Variants in CLPB observed in about 807,000 individuals in gnomAD.
CLPB encodes ClpB family mitochondrial disaggregase, also known as mitochondrial disaggregase.
In CLPB, 40 loss-of-function variants were observed where a neutral mutation model predicts 78.4. That is an observed-to-expected ratio of 0.51 (90% CI 0.40 to 0.66). The LOEUF is 0.66. CLPB is among the 30% of genes least tolerant of loss of function. CLPB has a pLI of 0.00. For synonymous variants in CLPB, 333 were observed against 348.0 expected, an observed-to-expected ratio of 0.96 and a Z score of 0.48; for missense variants, 780 against 886.9, an observed-to-expected ratio of 0.88 and a Z score of 1.53.
At chr11:72,303,946 A>G (rs1047614703) in intron 9 of CLPB, 3 of 152,230 alleles carry the variant, frequency 2.0e-5, no homozygotes, top group Admixed American at 6.5e-5. Context: ...CCATCATGCT[A>G]CACTGCCTCA....
intron 4 of CLPB, among the ~76,000 whole-genome samples, chr11:72,367,071 T>C (rs1950957710): frequency 6.6e-6 from 1 of 152,202 alleles, no homozygotes; most frequent in Non-Finnish European, 1.5e-5. Flanking sequence ...AATGAAATCA[T>C]GTCCTTTGCA....
At chr11:72,432,621 C>T (rs1052199351) in intron 1 of CLPB, among the ~76,000 whole-genome samples, 3 of 152,164 alleles carry the variant, frequency 2.0e-5, no homozygotes, top group African/African-American at 7.2e-5. Context: ...ACAGTGGGTA[C>T]CCCCAAAAAT....
At chr11:72,412,609 T>G (rs1262603265) in intron 2 of CLPB, among the ~76,000 whole-genome samples, 1 of 152,198 alleles carries the variant, frequency 6.6e-6, no homozygotes, top group African/African-American at 2.4e-5. Flanking sequence ...CCAGGCTGTG[T>G]GACTGTGGGC....
chr11:72,296,075 A>T (rs1949546895), intron 11 of CLPB, among the ~76,000 whole-genome samples: 1 of 152,236 alleles, frequency 6.6e-6, no homozygotes. Context: ...AGTGAGATAC[A>T]GGAAACAAGC....
At chr11:72,429,726 G>A (rs1237013952) in intron 2 of CLPB, among the ~76,000 whole-genome samples, 3 of 152,134 alleles carry the variant, frequency 2.0e-5, no homozygotes, top group Admixed American at 6.5e-5. Flanking sequence ...GGGCTGAGCC[G>A]AGTTGAATCT....
chr11:72,316,059 G>A (rs572091170), intron 7 of CLPB, among the ~76,000 whole-genome samples: 2 of 152,318 alleles, frequency 1.3e-5, no homozygotes, highest in African/African-American at 4.8e-5. Flanking sequence ...CCCAGCTGCA[G>A]GGCTTCTCAG....
intron 11 of CLPB, among the ~76,000 whole-genome samples, chr11:72,297,828 T>C (rs182487998): frequency 4.9e-4 from 74 of 152,152 alleles, no homozygotes; most frequent in African/African-American, 1.7e-3. Flanking sequence ...GCAATTTCAT[T>C]CTCAGAGATC....
At chr11:72,376,185 C>T (rs1854692978) in intron 4 of CLPB, among the ~76,000 whole-genome samples, 1 of 152,146 alleles carries the variant, frequency 6.6e-6, no homozygotes, top group African/African-American at 2.4e-5. Context: ...GGTAATTTTT[C>T]ATGCAAAAGT....
intron 6 of CLPB, among the ~76,000 whole-genome samples, chr11:72,318,913 C>T (rs545345761): frequency 1.3e-5 from 2 of 152,332 alleles, no homozygotes; most frequent in African/African-American, 4.8e-5. Context: ...CCCACCCAGC[C>T]CCGCTCAGCA....
intron 3 of CLPB, among the ~76,000 whole-genome samples, chr11:72,391,378 T>A (rs1855250352): frequency 6.6e-6 from 1 of 152,320 alleles, no homozygotes; most frequent in South Asian, 2.1e-4. Flanking sequence ...CACCCAGTAC[T>A]CACTCCCATG....
At chr11:72,300,695 T>TATGAC (rs1333360254) in intron 11 of CLPB, among the ~76,000 whole-genome samples, 2 of 152,264 alleles carry the variant, frequency 1.3e-5, no homozygotes, top group East Asian at 3.9e-4. Context: ...TGTGGCCTCC[T>TATGAC]ATGACATGGG....
intron 2 of CLPB, among the ~76,000 whole-genome samples, chr11:72,416,925 G>A (rs1565094614): frequency 6.6e-6 from 1 of 152,104 alleles, no homozygotes; most frequent in Non-Finnish European, 1.5e-5. Flanking sequence ...GACAACAATT[G>A]TTGGTGAGGA....
chr11:72,352,796 G>A (rs1590832922), intron 5 of CLPB: 1 of 152,244 alleles, frequency 6.6e-6, no homozygotes, highest in African/African-American at 2.4e-5. Context: ...CAGCAGAGAT[G>A]ATCAGTAAGA....
chr11:72,432,364 C>G (rs1856571170), intron 1 of CLPB, among the ~76,000 whole-genome samples: 1 of 152,202 alleles, frequency 6.6e-6, no homozygotes, highest in Admixed American at 6.5e-5. Context: ...ATTTCCTGCT[C>G]TCATGGGGCT....
At chr11:72,371,476 C>T (rs1565467678) in intron 4 of CLPB, among the ~76,000 whole-genome samples, 1 of 151,466 alleles carries the variant, frequency 6.6e-6, no homozygotes, top group African/African-American at 2.4e-5. Context: ...TTGCAGAGAG[C>T]TGAGATCATG....
At chr11:72,334,189 G>T (rs1257734812) in intron 5 of CLPB, among the ~76,000 whole-genome samples, 1 of 152,170 alleles carries the variant, frequency 6.6e-6, no homozygotes, top group Non-Finnish European at 1.5e-5. Flanking sequence ...ATAAACATTG[G>T]CCACTGAGTA....
At chr11:72,405,046 G>A (rs1855667206) in intron 2 of CLPB, among the ~76,000 whole-genome samples, 1 of 152,200 alleles carries the variant, frequency 6.6e-6, no homozygotes, top group Non-Finnish European at 1.5e-5. Flanking sequence ...CTGATGGGAT[G>A]GCCTCGCTTC....
intron 7 of CLPB, among the ~76,000 whole-genome samples, chr11:72,311,375 C>G (rs1374612023): frequency 1.3e-5 from 2 of 152,230 alleles, no homozygotes; most frequent in Non-Finnish European, 2.9e-5. Flanking sequence ...TTCAACATTT[C>G]ATTGTTGTCT....
At chr11:72,345,091 A>G (rs1391807711) in intron 5 of CLPB, among the ~76,000 whole-genome samples, 4 of 152,236 alleles carry the variant, frequency 2.6e-5, no homozygotes, top group African/African-American at 9.6e-5. Flanking sequence ...GAAGTGTAAC[A>G]TGGTACAACT....
Sources: allele counts gnomAD v4.1 joint callset (sites outside exome capture counted in the v4.1 genomes callset), GRCh38; gene constraint gnomAD v4.1.1; transcripts MANE v1.5; gene names NCBI Gene and HGNC (gene_info 2026-07-23, HGNC 2026-07-21).